PRKAG2: variants seen among roughly 807,000 people sequenced by gnomAD.
The protein encoded by PRKAG2 is protein kinase AMP-activated non-catalytic subunit gamma 2, also known as 5'-AMP-activated protein kinase subunit gamma-2.
In PRKAG2, 26 loss-of-function variants were observed where a neutral mutation model predicts 69.6. That is an observed-to-expected ratio of 0.37 (90% CI 0.27 to 0.52). PRKAG2 has a LOEUF of 0.52. Among genes scored for constraint, PRKAG2 ranks in the 20% least tolerant of loss-of-function variants. PRKAG2 has a pLI of 0.90. For synonymous variants in PRKAG2, 293 were observed against 285.0 expected (o/e 1.03, Z -0.28); for missense variants, 557 against 740.0 (o/e 0.75, Z 2.87).
At position 151,614,357 on chromosome 7, in the gene PRKAG2, C is replaced by T. The variant is rs1275244615; in HGVS notation, c.754+17712G>A. Among the ~76,000 whole-genome samples the T allele has an allele frequency of 2.0e-5, 3 of 152,196 alleles. No homozygotes were observed. Among genetic ancestry groups the T allele is most frequent in the South Asian group, 2.1e-4 (1 of 4,822 alleles). On this transcript the variant is annotated intron_variant, in intron 5 of 15. Transcript: ENST00000287878. This position sits in a 1 kb window ranked among gnomAD's most constrained non-coding sequence, Gnocchi z 4.4. ...GGCAGGGAGGCCATGGGGTCGGTTACGTTGGGCGCTTGGCATGTGCTCTGT... is the reference window on the plus strand; with the variant it reads ...GGCAGGGAGGCCATGGGGTCGGTTATGTTGGGCGCTTGGCATGTGCTCTGT...
chr7:151,744,690 G>A (rs968428731), intron 3 of PRKAG2, among the ~76,000 whole-genome samples: 16 of 152,310 alleles, frequency 1.1e-4, no homozygotes, highest in South Asian at 2.1e-4. Context: ...CTGAGACTCC[G>A]TGTAACCACC....
At chr7:151,826,220 G>A (rs977605896) in intron 1 of PRKAG2, among the ~76,000 whole-genome samples, 2 of 151,160 alleles carry the variant, frequency 1.3e-5, no homozygotes, top group Non-Finnish European at 2.9e-5. Flanking sequence ...TTGCTCTGTC[G>A]CCTAGGCTGG....
intron 3 of PRKAG2, among the ~76,000 whole-genome samples, chr7:151,710,761 C>T (rs532780136): frequency 3.0e-4 from 46 of 152,234 alleles, no homozygotes; most frequent in Non-Finnish European, 5.6e-4. Context: ...TGACATCTAA[C>T]ACACTCTGCT....
chr7:151,623,469 G>A (rs1321228870), intron 5 of PRKAG2, among the ~76,000 whole-genome samples: 1 of 148,856 alleles, frequency 6.7e-6, no homozygotes, highest in Non-Finnish European at 1.5e-5. Flanking sequence ...AGAATCTAAT[G>A]CTGCTGTTGA....
chr7:151,822,263 G>C (rs2078803071), intron 1 of PRKAG2, among the ~76,000 whole-genome samples: 1 of 152,198 alleles, frequency 6.6e-6, no homozygotes, highest in Non-Finnish European at 1.5e-5. Context: ...TCGAGCCCAG[G>C]AACGAGGTGG....
intron 3 of PRKAG2, among the ~76,000 whole-genome samples, chr7:151,778,516 G>A (rs537744927): frequency 6.6e-6 from 1 of 152,202 alleles, no homozygotes; most frequent in South Asian, 2.1e-4. Context: ...TCCCATCCTG[G>A]ACCTCCACAC....
chr7:151,562,106 G>A (rs1410042454), intron 14 of PRKAG2, among the ~76,000 whole-genome samples: 2 of 150,248 alleles, frequency 1.3e-5, no homozygotes, highest in African/African-American at 2.4e-5. Flanking sequence ...TTAGCTGGGC[G>A]TGGTGGTGCA....
intron 7 of PRKAG2, among the ~76,000 whole-genome samples, chr7:151,575,469 A>C (rs1283700165): frequency 2.0e-5 from 3 of 152,236 alleles, no homozygotes; most frequent in African/African-American, 7.2e-5. Flanking sequence ...AGAAGCAGAC[A>C]TAACGATCAT....
At chr7:151,664,525 C>T (rs960035123) in intron 4 of PRKAG2, among the ~76,000 whole-genome samples, 2 of 152,194 alleles carry the variant, frequency 1.3e-5, no homozygotes, top group Non-Finnish European at 2.9e-5. Flanking sequence ...CCACATCCTC[C>T]ACCCTTACTT....
At chr7:151,861,528 C>CAAAAAAAA (rs11406004) in intron 1 of PRKAG2, among the ~76,000 whole-genome samples, 2 of 96,580 alleles carry the variant, frequency 2.1e-5, no homozygotes, top group Non-Finnish European at 3.9e-5. Flanking sequence ...ACTCTGTCTC[C>CAAAAAAAA]AAAAAAAAAA....
chr7:151,563,688 T>TC (rs1805591832), intron 14 of PRKAG2, among the ~76,000 whole-genome samples: 1 of 152,224 alleles, frequency 6.6e-6, no homozygotes, highest in South Asian at 2.1e-4. Context: ...CAAGGGATCC[T>TC]CCTTCCTCAG....
At chr7:151,858,427 C>T (rs1191087085) in intron 1 of PRKAG2, among the ~76,000 whole-genome samples, 1 of 152,218 alleles carries the variant, frequency 6.6e-6, no homozygotes, top group Non-Finnish European at 1.5e-5. Context: ...TTTATGCATA[C>T]CTTGTGTCAC....
At chr7:151,649,983 C>A (rs576430540) in intron 4 of PRKAG2, among the ~76,000 whole-genome samples, 1 of 152,160 alleles carries the variant, frequency 6.6e-6, no homozygotes, top group African/African-American at 2.4e-5. Context: ...CCCTCACCTC[C>A]CCGACACACA....
intron 1 of PRKAG2, among the ~76,000 whole-genome samples, chr7:151,868,996 A>G (rs2080148681): frequency 6.6e-6 from 1 of 152,240 alleles, no homozygotes; most frequent in Admixed American, 6.5e-5. Context: ...AAGTGCTTCC[A>G]AATGATTTCT....
At chr7:151,667,980 C>T (rs1017848211) in intron 4 of PRKAG2, among the ~76,000 whole-genome samples, 2 of 152,204 alleles carry the variant, frequency 1.3e-5, no homozygotes, top group African/African-American at 4.8e-5. Flanking sequence ...GATGTAGTAT[C>T]AGCTATGGTT....
At chr7:151,872,007 T>G (rs552844364) in intron 1 of PRKAG2, among the ~76,000 whole-genome samples, 271 of 152,338 alleles carry the variant, frequency 1.8e-3, no homozygotes, top group African/African-American at 6.2e-3. Flanking sequence ...CAAGATGTCC[T>G]TGGCAGTGGC....
chr7:151,603,174 C>T lies in PRKAG2; in HGVS notation c.755-7720G>A, dbSNP rs566463810. 2.8e-3 allele frequency among the ~76,000 whole-genome samples: 382 copies of T among 135,690 alleles called. 2 individuals carry two copies. Among genetic ancestry groups the T allele is most frequent in the Middle Eastern group, 8.1e-3 (2 of 248 alleles). 89.0% of individuals were successfully genotyped at this position (135,690 alleles called of 152,430 possible). On this transcript the variant is annotated intron_variant, in intron 5 of 15. Coordinates refer to ENST00000287878, the MANE Select transcript of PRKAG2 (RefSeq NM_016203.4). ...GGACACGCTCCGTCCTCACCGCACA[C>T]GGAGGGACACGCTCCGTCCTCACCG...
intron 3 of PRKAG2, among the ~76,000 whole-genome samples, chr7:151,772,726 C>T (rs1374530884): frequency 1.3e-5 from 2 of 152,006 alleles, no homozygotes; most frequent in African/African-American, 2.4e-5. Context: ...GTGGTTCACA[C>T]CTAAATCCCA....
rs185240780 is a variant in PRKAG2 at position 151,739,185 on chromosome 7, G to A, written c.466+41967C>T. Reference sequence around the variant, plus strand: ...TGGTTCTAGCATTTCAGATCCCATCGACTGGTAGAGCAACTGCTCACGTGA... The same window carrying A: ...TGGTTCTAGCATTTCAGATCCCATCAACTGGTAGAGCAACTGCTCACGTGA... On this transcript the variant is annotated intron_variant, in intron 3 of 15. Coordinates refer to ENST00000287878, the MANE Select transcript of PRKAG2 (RefSeq NM_016203.4). Among the ~76,000 whole-genome samples, 170 of 152,318 alleles carry A rather than the reference G, an allele frequency of 1.1e-3. 1 individual carries two copies. The highest frequency in any genetic ancestry group is 3.7e-3 in the African/African-American group (154 of 41,558).
Sources: allele counts gnomAD v4.1 joint callset (sites outside exome capture counted in the v4.1 genomes callset), GRCh38; gene constraint gnomAD v4.1.1; non-coding constraint Gnocchi (gnomAD v3.1); transcripts MANE v1.5; gene names NCBI Gene and HGNC (gene_info 2026-07-23, HGNC 2026-07-21).